Variants in PKLR observed in about 807,000 individuals in gnomAD.
The protein encoded by PKLR is pyruvate kinase L/R, also known as pyruvate kinase PKLR.
Under a neutral mutation model 53.6 loss-of-function variants are expected in PKLR, and 38 were observed. That is an observed-to-expected ratio of 0.71 (90% confidence interval 0.55 to 0.93). The LOEUF (loss-of-function observed/expected upper bound fraction) is 0.93, where lower values mean the gene tolerates loss of function less well. PKLR is among the 40% of genes least tolerant of loss of function. The probability of loss-of-function intolerance (pLI) is 0.00; values close to 1 mark genes in which losing one functional copy is unlikely to be tolerated. For synonymous variants in PKLR, 328 were observed against 316.2 expected (o/e 1.04, Z -0.39); for missense variants, 702 against 787.3 (o/e 0.89, Z 1.30).
chr1:155,297,448 C>G (rs992062168), intron 2 of PKLR, among the ~76,000 whole-genome samples: 1 of 152,108 alleles, frequency 6.6e-6, no homozygotes, highest in Non-Finnish European at 1.5e-5. Flanking sequence ...ACTCCATACC[C>G]CATATCCGAT....
Position 155,293,711 on chromosome 1 carries a change from A to G in PKLR, c.1117-121T>C, listed in dbSNP as rs1647366424. 7.2e-6 allele frequency: 7 copies of G among 975,064 alleles called. No homozygotes were observed. Among genetic ancestry groups the G allele is most frequent in the Non-Finnish European group, 1.1e-5 (7 of 623,446 alleles). The allele number at this position is 975,064 out of a possible 1,614,324, so 60.4% of individuals were successfully genotyped here. A position where few individuals can be genotyped will look rare whatever the true frequency, so the allele number is the denominator to read the frequency against. On this transcript the variant is annotated intron_variant, in intron 7 of 10. Coordinates refer to ENST00000342741, the MANE Select transcript of PKLR (RefSeq NM_000298.6). This position sits in a 1 kb window ranked among gnomAD's most constrained non-coding sequence, Gnocchi z 4.2. ...CCCAAAATCCAGGGTCACAGTCACA[A>G]CCCCTGAAAATAGGAGTCAAAGTAT...
At chr1:155,302,580 C>G (rs1025636145), upstream of PKLR, among the ~76,000 whole-genome samples, 10 of 152,042 alleles carry the variant, frequency 6.6e-5, no homozygotes, top group East Asian at 5.8e-4. Flanking sequence ...ACCATGTTGT[C>G]CAGGCTGGTC....
At chr1:155,300,623 C>T (rs909327010) in intron 1 of PKLR, among the ~76,000 whole-genome samples, 41 of 152,058 alleles carry the variant, frequency 2.7e-4, no homozygotes, top group African/African-American at 9.4e-4. Context: ...CAGGACCCCC[C>T]GACCTGCAGC....
At position 155,290,660 on chromosome 1, in the gene PKLR, A is replaced by T; in HGVS notation, c.1637T>A (p.Leu546His). 6.2e-7 allele frequency: 1 copy of T among 1,611,998 alleles called. No homozygotes were observed. The change falls in exon 11 of 11, where the codon CTC becomes CAC. Residue 546 changes from leucine (L) to histidine (H), a missense_variant. Transcript: ENST00000342741. The stretch of plus-strand genomic sequence containing the variant: ...CACAATCACCAGGTCTCCAACACGG[A>T]GGAAGCCACGGAGCTTTCCTGGGGG... ...GIESGKLRGF[L>H]RVGDLVIVVT...
chr1:155,294,864 A>C, intron 5 of PKLR, 112 bp from the exon 6 acceptor site: 1 of 1,340,030 alleles, frequency 7.5e-7, no homozygotes, highest in Non-Finnish European at 1.1e-6. Flanking sequence ...TGTCCTCCTC[A>C]TCTCTCCGCC....
chr1:155,294,774 G>A (rs765229029), intron 5 of PKLR, 22 bp from the exon 6 acceptor site: 28 of 1,613,434 alleles, frequency 1.7e-5, no homozygotes, highest in Non-Finnish European at 2.4e-5. Context: ...GAAAGAGCCA[G>A]CTGCGGTCAG....
In PKLR at chr1:155,293,635, A is replaced by G. The variant is rs1647363051; in HGVS notation, c.1117-45T>C. The G allele has an allele frequency of 6.2e-7, 1 of 1,606,226 alleles. No individual in the cohort carries two copies. Among genetic ancestry groups the G allele is most frequent in the South Asian group, 1.1e-5 (1 of 90,756 alleles). ...TCAAAGTTGTAGGACTCACACTGTG[A>G]CTGGGGACCCTGCCCAAGCTACTTC... On this transcript the variant is annotated intron_variant, in intron 7 of 10. Transcript: ENST00000342741. This position sits in a 1 kb window ranked among gnomAD's most constrained non-coding sequence, Gnocchi z 4.2.
chr1:155,301,452 A>G, upstream of PKLR: 1 of 1,613,464 alleles, frequency 6.2e-7, no homozygotes, highest in Non-Finnish European at 8.5e-7. Context: ...GAGGATGACA[A>G]AACTGCTGGT....
chr1:155,290,745 T>C, intron 10 of PKLR, 67 bp from the exon 11 acceptor site: 2 of 988,478 alleles, frequency 2.0e-6, no homozygotes, highest in Non-Finnish European at 3.2e-6. Flanking sequence ...TCCCATCACT[T>C]TGGGAAGCCA....
chr1:155,298,323 C>A (rs1191505985), intron 2 of PKLR, among the ~76,000 whole-genome samples: 3 of 151,630 alleles, frequency 2.0e-5, no homozygotes, highest in African/African-American at 7.3e-5. Flanking sequence ...CATGAAACAC[C>A]ACGCCTGGCC....
intron 2 of PKLR, among the ~76,000 whole-genome samples, chr1:155,299,026 CTTTCTTTCTCTTTCT>C (rs1557963377): frequency 0.05 from 4,648 of 92,340 alleles, 320 homozygotes; most frequent in East Asian, 0.17. Context: ...TTCTTTCTTT[CTTTCTTTCTCTTTCT>C]TTCTTTCTTT....
upstream of PKLR, chr1:155,301,536 C>T (rs183538812): frequency 2.5e-4 from 259 of 1,028,618 alleles, 1 homozygote; most frequent in South Asian, 2.9e-3. Context: ...AATCCCTCCC[C>T]CAGAACGGCC....
chr1:155,306,956 C>T, the PKLR span, among the ~76,000 whole-genome samples: 1 of 152,166 alleles, frequency 6.6e-6, no homozygotes, highest in African/African-American at 2.4e-5. The surrounding 1 kb of genome is among the most constrained non-coding windows in gnomAD (Gnocchi z 4.2). Flanking sequence ...GTTCATTCCT[C>T]CTGTTTCATT....
rs1647899466 is a variant in PKLR, at chr1:155,300,092, G to A, written c.283+6C>T. The A allele has an allele frequency of 6.2e-7, 1 of 1,613,348 alleles. No homozygotes were observed. The highest frequency in any genetic ancestry group is 2.2e-5 in the East Asian group (1 of 44,884). On this transcript the variant is annotated splice_donor_region_variant and intron_variant, in intron 2 of 10. Transcript: ENST00000342741. Reference sequence around the variant, plus strand: ...TGTGTGGCTGCAGGGGGATGGGAGTGCTTACCGATGGTGGCAATGATGCTG... The same window carrying A: ...TGTGTGGCTGCAGGGGGATGGGAGTACTTACCGATGGTGGCAATGATGCTG...
At chr1:155,297,619 C>T (rs1647671856) in intron 2 of PKLR, among the ~76,000 whole-genome samples, 1 of 150,778 alleles carries the variant, frequency 6.6e-6, no homozygotes, top group African/African-American at 2.4e-5. Context: ...GGAGGGGAGG[C>T]TCTATTAAAA....
At chr1:155,292,016 A>G in intron 9 of PKLR, 79 bp from the exon 10 acceptor site, 1 of 1,367,966 alleles carries the variant, frequency 7.3e-7, no homozygotes, top group Non-Finnish European at 1.0e-6. Flanking sequence ...TTCCAGTTCC[A>G]GGTGTCACTA....
chr1:155,301,058 G>A, intron 1 of PKLR: 1 of 1,536,652 alleles, frequency 6.5e-7, no homozygotes, highest in East Asian at 2.5e-5. Flanking sequence ...CAGAGTCCAG[G>A]AACCACGGGA....
At position 155,295,342 on chromosome 1, in the gene PKLR, G is replaced by C. The variant is rs374872771; in HGVS notation, c.508-40C>G. 5.5e-5 allele frequency: 88 copies of C among 1,613,072 alleles called. No individual in the cohort carries two copies. Among genetic ancestry groups the C allele is most frequent in the Non-Finnish European group, 7.0e-5 (82 of 1,179,496 alleles). ...AGAGGAGATGTGAGTTCTGAGCCCC[G>C]GAGTCCGGGACCCGCCCCTGCCCAC... is the stretch of plus-strand genomic sequence containing the variant. On this transcript the variant is annotated intron_variant, in intron 4 of 10. Transcript: ENST00000342741. The surrounding 1 kb of genome is among the most constrained non-coding windows in gnomAD (Gnocchi z 4.3).
Position 155,300,128 on chromosome 1 carries a change from C to T in PKLR, c.253G>A (p.Ala85Thr), listed in dbSNP as rs1273516896. The T allele has an allele frequency of 2.5e-6, 4 of 1,613,800 alleles. No individual in the cohort carries two copies. The highest frequency in any genetic ancestry group is 3.4e-6 in the Non-Finnish European group (4 of 1,180,026). ...LLDIDSEPVA[A>T]RSTSIIATIG... is the part of the protein sequence containing the mutation. The stretch of plus-strand genomic sequence containing the variant: ...GTGGCAATGATGCTGGTACTGCGAG[C>T]AGCCACGGGCTCGGAGTCAATGTCC... The change falls in exon 2 of 11, where the codon GCT becomes ACT. Residue 85 changes from alanine (A) to threonine (T), a missense_variant. Ala to Thr is a moderately conservative substitution (Grantham distance 58). This residue lies in a region of PKLR where 519 missense variants were observed against 537.1 expected (regional missense o/e 0.97). Coordinates refer to ENST00000342741, the MANE Select transcript of PKLR (RefSeq NM_000298.6).
Sources: gnomAD v4.1 joint callset for allele counts (sites outside exome capture counted in the v4.1 genomes callset) on GRCh38, gnomAD v4.1.1 for gene constraint, gnomAD v4.1.1 regional missense constraint, Gnocchi (gnomAD v3.1) non-coding constraint, MANE v1.5 for transcripts, NCBI Gene and HGNC (gene_info 2026-07-23, HGNC 2026-07-21) for gene names.